The following EFNA5 variants were observed in gnomAD, a reference collection of about 807,000 sequenced individuals.
EFNA5 encodes the protein ephrin-A5.
Under a neutral mutation model 22.9 loss-of-function variants are expected in EFNA5, and 5 were observed. That is an observed-to-expected ratio of 0.22 (90% CI 0.11 to 0.46). EFNA5 has a LOEUF of 0.46. Among genes scored for constraint, EFNA5 ranks in the 20% least tolerant of loss-of-function variants. The probability of loss-of-function intolerance (pLI) is 0.99; values close to 1 mark genes in which losing one functional copy is unlikely to be tolerated. For missense variants in EFNA5, 237 were observed against 293.3 expected, an observed-to-expected ratio of 0.81 and a Z score of 1.40; for synonymous variants, 113 against 112.2, an observed-to-expected ratio of 1.01 and a Z score of -0.04.
rs182584562 is a variant in EFNA5 at position 107,451,097 on chromosome 5, A to G, written c.126-23588T>C. Among the ~76,000 whole-genome samples the G allele has an allele frequency of 7.9e-4, 121 of 152,352 alleles. 1 individual carries two copies. The highest frequency in any genetic ancestry group is 2.4e-4 in the Non-Finnish European group (16 of 68,030). Reference sequence around the variant, plus strand: ...GTTAAATATAGTTTATTAGACTATTAAAAGTTTATGACATCACTTCCCTAT... The same window carrying G: ...GTTAAATATAGTTTATTAGACTATTGAAAGTTTATGACATCACTTCCCTAT... On this transcript the variant is annotated intron_variant, in intron 1 of 4. Coordinates refer to ENST00000333274, the MANE Select transcript of EFNA5 (RefSeq NM_001962.3).
At chr5:107,462,686 C>G (rs2112457394) in intron 1 of EFNA5, among the ~76,000 whole-genome samples, 1 of 152,190 alleles carries the variant, frequency 6.6e-6, no homozygotes, top group South Asian at 2.1e-4. Flanking sequence ...AAAGCTGCAC[C>G]CTGCTATGTG....
chr5:107,582,276 T>C (rs999820741), intron 1 of EFNA5, among the ~76,000 whole-genome samples: 1 of 152,160 alleles, frequency 6.6e-6, no homozygotes, highest in Non-Finnish European at 1.5e-5. Flanking sequence ...TCAAAAAATA[T>C]GGGTAGAATG....
chr5:107,439,155 T>C (rs1239722064), intron 1 of EFNA5, among the ~76,000 whole-genome samples: 1 of 152,146 alleles, frequency 6.6e-6, no homozygotes, highest in Non-Finnish European at 1.5e-5. Flanking sequence ...TAAGGTTAAA[T>C]GAAGTCACAA....
At chr5:107,593,715 G>GA (rs2112506392) in intron 1 of EFNA5, among the ~76,000 whole-genome samples, 1 of 152,110 alleles carries the variant, frequency 6.6e-6, no homozygotes, top group East Asian at 1.9e-4. Flanking sequence ...AAGTGAAAAA[G>GA]GAAATAGAAC....
chr5:107,670,401 G>A (rs987080116), intron 1 of EFNA5, 88 bp downstream of exon 1: 19 of 1,430,470 alleles, frequency 1.3e-5, no homozygotes, highest in Non-Finnish European at 1.4e-5. Context: ...CGCCGCCAGC[G>A]GTTGGTGCGC....
Position 107,498,724 on chromosome 5 carries a change from G to A in EFNA5, c.126-71215C>T, listed in dbSNP as rs1415524482. On this transcript the variant is annotated intron_variant, in intron 1 of 4. Transcript: ENST00000333274. ...AGGGCCCTGTGTGACAGCACAGGTTGAATGCCATGAAGCTAGCCCTGCACC... is the reference window on the plus strand; with the variant it reads ...AGGGCCCTGTGTGACAGCACAGGTTAAATGCCATGAAGCTAGCCCTGCACC... Among the ~76,000 whole-genome samples, 5 of 152,284 alleles carry A rather than the reference G, an allele frequency of 3.3e-5. No individual in the cohort carries two copies. The South Asian group carries it at 6.2e-4, about 19-fold the overall frequency.
At chr5:107,384,664 C>T (rs1747563428) in intron 4 of EFNA5, among the ~76,000 whole-genome samples, 1 of 151,814 alleles carries the variant, frequency 6.6e-6, no homozygotes, top group Admixed American at 6.6e-5. Flanking sequence ...CAGGATGGAG[C>T]ACAGTGGCGT....
intron 1 of EFNA5, among the ~76,000 whole-genome samples, chr5:107,591,883 T>TATATA (rs1749338723): frequency 2.0e-4 from 5 of 24,544 alleles, no homozygotes; most frequent in African/African-American, 1.7e-3. Flanking sequence ...TAATATATAA[T>TATATA]ATATATATTA....
At chr5:107,569,401 A>ATATATATATACATTTATGTATATGTGTG (rs1748729304) in intron 1 of EFNA5, among the ~76,000 whole-genome samples, 6 of 130,198 alleles carry the variant, frequency 4.6e-5, no homozygotes, top group African/African-American at 2.1e-4. Flanking sequence ...ATATGTGTGT[A>ATATATATATACATTTATGTATATGTGTG]TATATATATA....
chr5:107,660,067 A>G (rs898170725), intron 1 of EFNA5, among the ~76,000 whole-genome samples: 11 of 151,438 alleles, frequency 7.3e-5, no homozygotes, highest in Non-Finnish European at 1.5e-4. Flanking sequence ...AGTATAGTTG[A>G]CTATGGTGAT....
rs1208611360 is a variant in EFNA5 at position 107,476,331 on chromosome 5, G to A, written c.126-48822C>T. 2.0e-5 allele frequency among the ~76,000 whole-genome samples: 3 copies of A among 151,684 alleles called. No individual in the cohort carries two copies. In the East Asian group the frequency reaches 5.9e-4, roughly 30 times the overall value. ...GCCTCCCAAAGTGCTGGGATTACAG[G>A]AGTGAGCCACTGTGCCCAGTCAAGA... is the stretch of plus-strand genomic sequence containing the variant. On this transcript the variant is annotated intron_variant, in intron 1 of 4. Coordinates refer to ENST00000333274, the MANE Select transcript of EFNA5 (RefSeq NM_001962.3).
chr5:107,560,377 T>C (rs1016003977), intron 1 of EFNA5, among the ~76,000 whole-genome samples: 2 of 152,210 alleles, frequency 1.3e-5, no homozygotes, highest in African/African-American at 4.8e-5. Flanking sequence ...AGTAACTAGT[T>C]GACAGATGAA....
At chr5:107,591,312 C>T (rs1749319332) in intron 1 of EFNA5, among the ~76,000 whole-genome samples, 1 of 152,148 alleles carries the variant, frequency 6.6e-6, no homozygotes, top group South Asian at 2.1e-4. Context: ...TCTGGCAACA[C>T]TGTCCATATT....
At chr5:107,668,026 T>C (rs566925350) in intron 1 of EFNA5, among the ~76,000 whole-genome samples, 1 of 152,356 alleles carries the variant, frequency 6.6e-6, no homozygotes, top group African/African-American at 2.4e-5. Flanking sequence ...ACTTCAGAGA[T>C]AAAACTGCCT....
chr5:107,520,640 C>T (rs535507280), intron 1 of EFNA5, among the ~76,000 whole-genome samples: 12 of 152,078 alleles, frequency 7.9e-5, no homozygotes, highest in South Asian at 2.1e-4. Flanking sequence ...TAGGTTGAAC[C>T]GAATAAGTCT....
At position 107,571,281 on chromosome 5, in the gene EFNA5, G is replaced by A. The variant is rs115083132; in HGVS notation, c.125+99208C>T. Among the ~76,000 whole-genome samples the A allele has an allele frequency of 3.7e-3, 559 of 152,300 alleles. 1 individual carries two copies. Among genetic ancestry groups the A allele is most frequent in the African/African-American group, 0.012 (482 of 41,556 alleles). On this transcript the variant is annotated intron_variant, in intron 1 of 4. Coordinates refer to ENST00000333274, the MANE Select transcript of EFNA5 (RefSeq NM_001962.3). ...GCAACTTGTAATCCAACCTGGGGCAGAGAGCACAGGAACCTAGTGGCTCAG... is the reference window on the plus strand; with the variant it reads ...GCAACTTGTAATCCAACCTGGGGCAAAGAGCACAGGAACCTAGTGGCTCAG...
intron 1 of EFNA5, among the ~76,000 whole-genome samples, chr5:107,452,546 A>G (rs1749588491): frequency 6.6e-6 from 1 of 152,060 alleles, no homozygotes; most frequent in Non-Finnish European, 1.5e-5. Context: ...CAATACAGTG[A>G]AACCCCATCT....
In EFNA5 at chr5:107,615,430, A is replaced by C. The variant is rs1749893477; in HGVS notation, c.125+55059T>G. 5.3e-5 allele frequency among the ~76,000 whole-genome samples: 8 copies of C among 152,158 alleles called. 1 individual carries two copies. Among genetic ancestry groups the C allele is most frequent in the Admixed American group, 4.6e-4 (7 of 15,256 alleles). ...GTGGTATCAGGCACTACTGATTGAG[A>C]AGGCATTCCGTGATGATCCCTATTT... On this transcript the variant is annotated intron_variant, in intron 1 of 4. Coordinates refer to ENST00000333274, the MANE Select transcript of EFNA5 (RefSeq NM_001962.3).
At chr5:107,428,163 A>C (rs1407997511) in intron 1 of EFNA5, among the ~76,000 whole-genome samples, 1 of 152,220 alleles carries the variant, frequency 6.6e-6, no homozygotes, top group Non-Finnish European at 1.5e-5. Flanking sequence ...TTCGGATCCC[A>C]GTTCAGTGCT....
Sources: allele counts gnomAD v4.1 joint callset (sites outside exome capture counted in the v4.1 genomes callset), GRCh38; gene constraint gnomAD v4.1.1; transcripts MANE v1.5; gene names NCBI Gene and HGNC (gene_info 2026-07-23, HGNC 2026-07-21).